TCF12: variants seen among roughly 807,000 people sequenced by gnomAD.
TCF12 encodes transcription factor 12, also known as DNA-binding protein HTF4.
A neutral mutation model predicts 86.0 loss-of-function variants in TCF12; 45 were observed. That is an observed-to-expected ratio of 0.52 (90% CI 0.41 to 0.67). TCF12 has a LOEUF of 0.67. TCF12 is among the 30% of genes least tolerant of loss of function. The pLI, the probability that TCF12 is intolerant of heterozygous loss-of-function variation, is 0.00. For missense variants in TCF12, 881 were observed against 859.9 expected (o/e 1.02, Z -0.31); for synonymous variants, 330 against 299.6 (o/e 1.10, Z -1.05).
chr15:57,062,620 A>T (rs185795305), intron 3 of TCF12, among the ~76,000 whole-genome samples: 1 of 152,272 alleles, frequency 6.6e-6, no homozygotes, highest in East Asian at 1.9e-4. Flanking sequence ...CAATTGTGTC[A>T]CTATAAAAGA....
intron 3 of TCF12, among the ~76,000 whole-genome samples, chr15:57,033,822 A>G (rs8025829): frequency 0.049 from 7,475 of 152,232 alleles, 376 homozygotes; most frequent in African/African-American, 0.13. Context: ...TACAGGTCCA[A>G]AAGGAAAGTA....
intron 8 of TCF12, among the ~76,000 whole-genome samples, chr15:57,223,551 T>C (rs1324674412): frequency 6.6e-6 from 1 of 151,718 alleles, no homozygotes; most frequent in African/African-American, 2.4e-5. Context: ...ATTAAAACTT[T>C]CAGATACGTT....
chr15:56,999,507 TAA>T (rs2063900243), intron 3 of TCF12, among the ~76,000 whole-genome samples: 1 of 152,138 alleles, frequency 6.6e-6, no homozygotes, highest in African/African-American at 2.4e-5. Flanking sequence ...TGAAATAGAC[TAA>T]TTCCTTGGGA....
At chr15:57,280,492 G>A (rs2061637386) in intron 19 of TCF12, among the ~76,000 whole-genome samples, 1 of 152,168 alleles carries the variant, frequency 6.6e-6, no homozygotes, top group East Asian at 1.9e-4. Context: ...TTACCATAAT[G>A]AAGATTTTTG....
chr15:57,044,868 GTT>G (rs2067128370), intron 3 of TCF12, among the ~76,000 whole-genome samples: 1 of 152,146 alleles, frequency 6.6e-6, no homozygotes, highest in Non-Finnish European at 1.5e-5. Context: ...GAAAACCTCT[GTT>G]TTATTGAGTT....
intron 12 of TCF12, among the ~76,000 whole-genome samples, chr15:57,237,797 C>T (rs2059441042): frequency 6.6e-6 from 1 of 152,090 alleles, no homozygotes; most frequent in Non-Finnish European, 1.5e-5. Context: ...TAAAGTAGCA[C>T]AATTTTTATA....
chr15:56,918,145 C>T (rs2059589539), upstream of TCF12: 1 of 453,240 alleles, frequency 2.2e-6, no homozygotes, highest in South Asian at 1.6e-5. Context: ...TCTGCGCCGA[C>T]TGCAGCCCTC....
At chr15:57,196,170 A>G (rs1175801159) in intron 7 of TCF12, among the ~76,000 whole-genome samples, 2 of 152,160 alleles carry the variant, frequency 1.3e-5, no homozygotes, top group Non-Finnish European at 2.9e-5. Context: ...AGATAGAAAA[A>G]AAAAAAAATG....
At chr15:57,056,206 T>A (rs1011535999) in intron 3 of TCF12, among the ~76,000 whole-genome samples, 3 of 151,586 alleles carry the variant, frequency 2.0e-5, no homozygotes, top group Non-Finnish European at 4.4e-5. Context: ...AATGGTACAA[T>A]CTCAGCTCAC....
intron 4 of TCF12, among the ~76,000 whole-genome samples, chr15:57,079,759 A>G (rs2070466350): frequency 6.6e-6 from 1 of 152,196 alleles, no homozygotes; most frequent in Admixed American, 6.5e-5. Context: ...CCATGCAGAA[A>G]TAAGTAAAAT....
At chr15:57,111,965 G>T (rs1267597461) in intron 5 of TCF12, among the ~76,000 whole-genome samples, 6 of 152,122 alleles carry the variant, frequency 3.9e-5, no homozygotes, top group Non-Finnish European at 2.9e-5. Flanking sequence ...ATATGAACAA[G>T]ATGCTAAGCC....
intron 3 of TCF12, among the ~76,000 whole-genome samples, chr15:56,993,850 T>A (rs943587190): frequency 6.6e-6 from 1 of 152,232 alleles, no homozygotes; most frequent in Admixed American, 6.5e-5. Context: ...ATTCCCAGGT[T>A]ATAATCCAAA....
At chr15:57,146,873 G>A (rs910707167) in intron 5 of TCF12, among the ~76,000 whole-genome samples, 5 of 152,064 alleles carry the variant, frequency 3.3e-5, no homozygotes, top group Non-Finnish European at 7.4e-5. Flanking sequence ...TTAGGTCTGC[G>A]GTGGGGAAAA....
intron 8 of TCF12, among the ~76,000 whole-genome samples, chr15:57,228,292 T>G (rs1454806827): frequency 1.3e-5 from 2 of 152,066 alleles, no homozygotes; most frequent in East Asian, 3.8e-4. Context: ...AAAAGTAAAG[T>G]TATTTAGCTT....
chr15:57,083,844 G>A lies in TCF12; in HGVS notation c.223-7945G>A, dbSNP rs1469549712. ...GATCCTCCCACCTCGGCTTCCCAAA[G>A]TATTGGGATTACAGGTGTGAGCGAC... On this transcript the variant is annotated intron_variant, in intron 4 of 20. Coordinates refer to ENST00000333725, the MANE Select transcript of TCF12 (RefSeq NM_207037.2). Among the ~76,000 whole-genome samples the A allele has an allele frequency of 2.6e-5, 4 of 152,286 alleles. No individual in the cohort carries two copies. The East Asian group carries it at 7.7e-4, about 29-fold the overall frequency.
intron 3 of TCF12, among the ~76,000 whole-genome samples, chr15:56,990,685 T>C (rs899984163): frequency 6.6e-6 from 1 of 152,206 alleles, no homozygotes; most frequent in South Asian, 2.1e-4. Context: ...GATAGCCCAA[T>C]GTGTTCTTGG....
chr15:57,158,040 C>T (rs2593249), intron 5 of TCF12, among the ~76,000 whole-genome samples: 103,600 of 151,992 alleles, frequency 0.68, 37,614 homozygotes, highest in Non-Finnish European at 0.81. Context: ...TTCTATAAAC[C>T]TTCTCATCCT....
At chr15:57,068,299 T>A (rs2069078816) in intron 4 of TCF12, among the ~76,000 whole-genome samples, 1 of 152,218 alleles carries the variant, frequency 6.6e-6, no homozygotes, top group African/African-American at 2.4e-5. Context: ...ATATAAGTGT[T>A]GGCTTTAAAC....
At chr15:57,251,987 G>T (rs189229993) in intron 14 of TCF12, among the ~76,000 whole-genome samples, 2 of 152,166 alleles carry the variant, frequency 1.3e-5, no homozygotes, top group Non-Finnish European at 2.9e-5. Context: ...ATATTTGAGC[G>T]TGAAGAATTT....
Sources: gnomAD v4.1 joint callset for allele counts (sites outside exome capture counted in the v4.1 genomes callset) on GRCh38, gnomAD v4.1.1 for gene constraint, MANE v1.5 for transcripts, NCBI Gene and HGNC (gene_info 2026-07-23, HGNC 2026-07-21) for gene names.